The following GNG2 variants were observed in gnomAD, a reference collection of about 807,000 sequenced individuals.
GNG2 encodes G protein subunit gamma 2.
GNG2 carries 5 observed loss-of-function variants against 5.5 expected under a neutral mutation model. The observed-to-expected ratio is 0.91, with a 90% CI of 0.48 to 1.92. The LOEUF is 1.92. Among genes scored for constraint, GNG2 ranks in the 30% most tolerant of loss-of-function variants. The probability of loss-of-function intolerance (pLI) is 0.01; values close to 1 mark genes in which losing one functional copy is unlikely to be tolerated. For missense variants in GNG2, 55 were observed against 88.4 expected (o/e 0.62, Z 1.52); for synonymous variants, 28 against 32.0 (o/e 0.88, Z 0.42).
chr14:51,966,209 CA>C lies in GNG2; in HGVS notation c.88-322del, dbSNP rs34653524. Among the ~76,000 whole-genome samples, 79 of 28,138 alleles carry C rather than the reference CA, an allele frequency of 2.8e-3. 1 individual carries two copies. In the East Asian group the frequency reaches 0.029, roughly 10 times the overall value. 18.5% of individuals were successfully genotyped at this position (28,138 alleles called of 152,430 possible). ...TGGGCAACAGAGCGAGACTGCATCT[CA>C]AAAAAAAAAAAAAAAAAAAAAAAAA... On this transcript the variant is annotated intron_variant, in intron 3 of 3. Transcript: ENST00000556766.
intron 2 of GNG2, among the ~76,000 whole-genome samples, chr14:51,950,186 A>C (rs1888889310): frequency 6.6e-6 from 1 of 152,232 alleles, no homozygotes; most frequent in African/African-American, 2.4e-5. Flanking sequence ...TTGGCATGAT[A>C]GATGTGTCCC....
rs183699778 is a variant in GNG2 at position 51,875,823 on chromosome 14, A to G, written c.-70-1794A>G. Among the ~76,000 whole-genome samples, 63 of 151,186 alleles carry G rather than the reference A, an allele frequency of 4.2e-4. 1 individual carries two copies. In the East Asian group the frequency reaches 0.01, roughly 25 times the overall value. ...TGACAATGCATTTTACATTCTTTTTACTTTATAATAAAATAACCTTATTTT... is the reference window on the plus strand; with the variant it reads ...TGACAATGCATTTTACATTCTTTTTGCTTTATAATAAAATAACCTTATTTT... On this transcript the variant is annotated intron_variant, in intron 1 of 3. Transcript: ENST00000556766.
intron 2 of GNG2, among the ~76,000 whole-genome samples, chr14:51,880,943 C>G (rs1345682577): frequency 1.5e-5 from 2 of 131,134 alleles, no homozygotes; most frequent in Non-Finnish European, 3.1e-5. Flanking sequence ...TTTGTTCAGA[C>G]CAGCTTAAAA....
chr14:51,857,560 T>G (rs145385244), upstream of GNG2, among the ~76,000 whole-genome samples: 8 of 152,216 alleles, frequency 5.3e-5, no homozygotes, highest in African/African-American at 1.7e-4. Context: ...GTACTTCTGA[T>G]GGGGATGGCT....
At chr14:51,877,694 A>G (rs781155861) in intron 2 of GNG2, 37 bp downstream of exon 2, 7 of 450,544 alleles carry the variant, frequency 1.6e-5, no homozygotes, top group Non-Finnish European at 2.2e-5. Context: ...AGAATCTTGA[A>G]TTTAACCAGA....
intron 2 of GNG2, among the ~76,000 whole-genome samples, chr14:51,843,880 T>C (rs1881552933): frequency 6.6e-6 from 1 of 152,170 alleles, no homozygotes; most frequent in Non-Finnish European, 1.5e-5. Context: ...TAAGCCATGC[T>C]CTGCCCCAAC....
intron 2 of GNG2, among the ~76,000 whole-genome samples, chr14:51,921,220 G>A (rs183572898): frequency 5.2e-4 from 79 of 152,214 alleles, no homozygotes; most frequent in Admixed American, 1.6e-3. Flanking sequence ...TGTGCCTCCC[G>A]TTCCAAAACT....
chr14:51,837,920 A>G (rs1485568608), intron 2 of GNG2, among the ~76,000 whole-genome samples: 1 of 152,148 alleles, frequency 6.6e-6, no homozygotes, highest in Non-Finnish European at 1.5e-5. Context: ...AATTATTTGC[A>G]TTGCTCCTAT....
In GNG2 at chr14:51,932,271, A is replaced by AAAAAAAAAAAAAAAAAG. The variant is rs60014306; in HGVS notation, c.-29-18378_-29-18377insAAAAAAAAAAAAAAAGA. Among the ~76,000 whole-genome samples, 6 of 96,340 alleles carry AAAAAAAAAAAAAAAAAG rather than the reference A, an allele frequency of 6.2e-5. 1 individual carries two copies. Among genetic ancestry groups the AAAAAAAAAAAAAAAAAG allele is most frequent in the African/African-American group, 8.2e-5 (2 of 24,392 alleles). 63.2% of individuals were successfully genotyped at this position (96,340 alleles called of 152,430 possible). ...CAAAAAAAAAAAAAAAAAAAAAAAA[A>AAAAAAAAAAAAAAAAAG]AGAAAAGAAAATATGGTATATATGC... On this transcript the variant is annotated intron_variant, in intron 2 of 3. Transcript: ENST00000556766.
intron 2 of GNG2, among the ~76,000 whole-genome samples, chr14:51,853,294 C>T (rs535187589): frequency 7.2e-5 from 11 of 152,252 alleles, no homozygotes; most frequent in Non-Finnish European, 1.3e-4. Context: ...AGCCCTTGCC[C>T]TCAGGGAGTG....
intron 3 of GNG2, among the ~76,000 whole-genome samples, chr14:51,956,039 G>A (rs375008236): frequency 6.6e-6 from 1 of 152,136 alleles, no homozygotes; most frequent in African/African-American, 2.4e-5. Context: ...TATTTTTCCA[G>A]CATTTGAGCT....
chr14:51,876,245 A>C (rs1265322002), intron 1 of GNG2, among the ~76,000 whole-genome samples: 1 of 151,924 alleles, frequency 6.6e-6, no homozygotes, highest in Non-Finnish European at 1.5e-5. Context: ...GGCCCGTTTA[A>C]ATTTCTTGTA....
intron 2 of GNG2, among the ~76,000 whole-genome samples, chr14:51,899,288 C>A (rs1409557527): frequency 6.6e-6 from 1 of 152,178 alleles, no homozygotes; most frequent in South Asian, 2.1e-4. Context: ...CACTCTCTAA[C>A]TGATGCCACA....
chr14:51,918,870 G>C (rs977603406), intron 2 of GNG2, among the ~76,000 whole-genome samples: 2 of 152,086 alleles, frequency 1.3e-5, no homozygotes, highest in Non-Finnish European at 2.9e-5. Context: ...TGTCGCCCAC[G>C]CTAGAGTACA....
intron 1 of GNG2, among the ~76,000 whole-genome samples, chr14:51,863,382 T>A (rs2140105786): frequency 6.6e-6 from 1 of 152,334 alleles, no homozygotes; most frequent in East Asian, 1.9e-4. Flanking sequence ...TTTTTGCTTT[T>A]GTGTGCGGAT....
At chr14:51,886,124 T>A (rs563301704) in intron 2 of GNG2, among the ~76,000 whole-genome samples, 6 of 152,328 alleles carry the variant, frequency 3.9e-5, no homozygotes, top group Non-Finnish European at 8.8e-5. Flanking sequence ...TCAATCGAAG[T>A]GGAATACCAT....
chr14:51,880,791 C>G (rs1247120955), intron 2 of GNG2, among the ~76,000 whole-genome samples: 1 of 151,922 alleles, frequency 6.6e-6, no homozygotes, highest in East Asian at 1.9e-4. Context: ...CAAAATGACT[C>G]TTAATAGAAA....
intron 2 of GNG2, chr14:51,916,499 A>C (rs1886639610): frequency 4.7e-6 from 2 of 427,350 alleles, no homozygotes; most frequent in Admixed American, 5.0e-5. Context: ...ATTTTCCACG[A>C]AAATAATCCT....
intron 1 of GNG2, among the ~76,000 whole-genome samples, chr14:51,863,319 C>T (rs1882651846): frequency 2.0e-5 from 3 of 152,150 alleles, no homozygotes; most frequent in Admixed American, 2.0e-4. Flanking sequence ...CCTCAGTTTC[C>T]TCATTGTAAA....
Sources: gnomAD v4.1 joint callset for allele counts (sites outside exome capture counted in the v4.1 genomes callset) on GRCh38, gnomAD v4.1.1 for gene constraint, MANE v1.5 for transcripts, NCBI Gene and HGNC (gene_info 2026-07-23, HGNC 2026-07-21) for gene names.